The following ATP2B3 variants were observed in gnomAD, a reference collection of about 807,000 sequenced individuals.
ATP2B3 encodes the protein plasma membrane calcium-transporting ATPase 3.
Under a neutral mutation model 70.8 loss-of-function variants are expected in ATP2B3, and 12 were observed. The ratio of observed to expected loss-of-function variants is 0.17; its 90% CI spans 0.11 to 0.27. ATP2B3 has a LOEUF of 0.27. ATP2B3 is among the 10% of genes least tolerant of loss of function. ATP2B3 has a pLI of 1.00. For synonymous variants in ATP2B3, 460 were observed against 497.8 expected (o/e 0.92, Z 1.01); for missense variants, 858 against 1,118.5 (o/e 0.77, Z 3.32).
At chrX:153,545,098 G>A (rs1237551419) in intron 7 of ATP2B3, among the ~76,000 whole-genome samples, 1 of 112,920 alleles carries the variant, frequency 8.9e-6, no homozygotes, top group Non-Finnish European at 1.9e-5. Context: ...GGGTCGGGGG[G>A]GGGGCCCTCC....
chrX:153,529,665 C>T (rs1467582368), intron 2 of ATP2B3, among the ~76,000 whole-genome samples: 1 of 112,339 alleles, frequency 8.9e-6, no homozygotes, highest in Non-Finnish European at 1.9e-5. Flanking sequence ...CATCCAGCCG[C>T]AGAACTTGTT....
At chrX:153,531,441 C>G (rs945342821) in intron 2 of ATP2B3, among the ~76,000 whole-genome samples, 2 of 113,273 alleles carry the variant, frequency 1.8e-5, no homozygotes, top group Non-Finnish European at 1.9e-5. Flanking sequence ...AAGGAATCCC[C>G]GTAGTGAGTC....
At chrX:153,525,702 G>A (rs897284601) in intron 2 of ATP2B3, among the ~76,000 whole-genome samples, 4 of 112,374 alleles carry the variant, frequency 3.6e-5, no homozygotes, top group African/African-American at 9.7e-5. Flanking sequence ...ATGGTCCCAC[G>A]TCTGGTGCAG....
chrX:153,534,026 C>T (rs1166853616), intron 2 of ATP2B3, among the ~76,000 whole-genome samples: 1 of 112,144 alleles, frequency 8.9e-6, no homozygotes, highest in Non-Finnish European at 1.9e-5. Flanking sequence ...CAAGAGCCTA[C>T]CACACAAGCC....
intron 17 of ATP2B3, chrX:153,559,494 C>T: frequency 4.9e-6 from 2 of 406,987 alleles, no homozygotes; most frequent in East Asian, 3.9e-5. Flanking sequence ...TCACCTCCTG[C>T]GAGGGATTTG....
At position 153,560,664 on chromosome X, in the gene ATP2B3, G is replaced by C; in HGVS notation, c.2840-12G>C. 1 of 1,211,256 alleles carries C rather than the reference G, an allele frequency of 8.3e-7. No individual in the cohort carries two copies. Among genetic ancestry groups the C allele is most frequent in the South Asian group, 1.8e-5 (1 of 56,955 alleles). The stretch of plus-strand genomic sequence containing the variant: ...AGATGACTGTGCCTGAGTGGGGAAT[G>C]TTGCTTTCCAGGGGAGCTCTTCTTC... On this transcript the variant is annotated splice_polypyrimidine_tract_variant and intron_variant, in intron 18 of 21. Transcript: ENST00000263519.
chrX:153,528,140 A>C (rs2090062505), intron 2 of ATP2B3, among the ~76,000 whole-genome samples: 1 of 112,331 alleles, frequency 8.9e-6, no homozygotes, highest in Non-Finnish European at 1.9e-5. Flanking sequence ...ACTTTGCTGA[A>C]CTCTTTTCAT....
intron 21 of ATP2B3, among the ~76,000 whole-genome samples, chrX:153,578,654 G>A (rs2090885932): frequency 8.9e-6 from 1 of 112,745 alleles, no homozygotes; most frequent in African/African-American, 3.2e-5. Context: ...GAGGGCCACT[G>A]TGCCGGGGGA....
At chrX:153,542,235 A>G (rs1056215811) in intron 5 of ATP2B3, 88 bp from the exon 6 acceptor site, 33 of 1,155,943 alleles carry the variant, frequency 2.9e-5, no homozygotes, top group Non-Finnish European at 3.8e-5. Flanking sequence ...TCCCTTTCCC[A>G]GGCGGCCCAT....
chrX:153,558,204 C>T lies in ATP2B3; in HGVS notation c.2526C>T (p.Gly842=), dbSNP rs782625781. The change falls in exon 17 of 22, where the codon GGC becomes GGT. Residue 842 remains glycine (G), a synonymous_variant. Coordinates refer to ENST00000263519, the MANE Select transcript of ATP2B3 (RefSeq NM_001001344.3). ...FTSIVKAVMW[G]RNVYDSISKF... is the part of the protein sequence containing the mutation. Reference sequence around the variant, plus strand: ...GCATCGTCAAGGCAGTCATGTGGGGCCGTAACGTCTATGACAGCATCTCCA... The same window carrying T: ...GCATCGTCAAGGCAGTCATGTGGGGTCGTAACGTCTATGACAGCATCTCCA... The T allele has an allele frequency of 1.2e-5, 14 of 1,209,800 alleles. No individual in the cohort carries two copies. The highest frequency in any genetic ancestry group is 8.7e-5 in the Admixed American group (4 of 45,786).
At position 153,579,995 on chromosome X, in the gene ATP2B3, G is replaced by A. The variant is rs138492920; in HGVS notation, c.3360G>A (p.Ala1120=). 1.1e-4 allele frequency: 134 copies of A among 1,204,018 alleles called. No individual in the cohort carries two copies. The South Asian group carries it at 1.4e-3, about 13-fold the overall frequency. The change falls in exon 22 of 22, where the codon GCG becomes GCA. Residue 1120 remains alanine (A), a synonymous_variant. Transcript: ENST00000263519. ...RIQTQIRVVK[A]FRSSLYEGLE... is the part of the protein sequence containing the mutation. ...CACTCCAGATCCGGGTGGTGAAAGC[G>A]TTCCGTAGCTCGCTCTATGAAGGCC...
At chrX:153,527,893 G>A (rs1054499554) in intron 2 of ATP2B3, among the ~76,000 whole-genome samples, 4 of 112,728 alleles carry the variant, frequency 3.5e-5, no homozygotes, top group Non-Finnish European at 5.6e-5. Flanking sequence ...TGCCCTGCTC[G>A]GCTTCCTGGA....
chrX:153,529,373 G>A (rs782417057), intron 2 of ATP2B3, among the ~76,000 whole-genome samples: 6 of 111,504 alleles, frequency 5.4e-5, no homozygotes, highest in Non-Finnish European at 1.1e-4. Context: ...TCCAGTAGGG[G>A]GGTTTCCTGG....
chrX:153,570,178 C>G (rs1215030890), intron 21 of ATP2B3, among the ~76,000 whole-genome samples: 1 of 112,480 alleles, frequency 8.9e-6, no homozygotes, highest in South Asian at 3.7e-4. Flanking sequence ...GCCGCCTTCC[C>G]GGGGCTGGAG....
At position 153,580,380 on chromosome X, in the gene ATP2B3, A is replaced by C; in HGVS notation, c.*82A>C. 1 of 948,723 alleles carries C rather than the reference A, an allele frequency of 1.1e-6. No homozygotes were observed. The highest frequency in any genetic ancestry group is 1.4e-6 in the Non-Finnish European group (1 of 690,572). The allele number at this position is 948,723 out of a possible 1,213,427, so 78.2% of individuals were successfully genotyped here. A position where few individuals can be genotyped will look rare whatever the true frequency, so the allele number is the denominator to read the frequency against. On this transcript the variant is annotated 3_prime_UTR_variant, in exon 22 of 22. Coordinates refer to ENST00000263519, the MANE Select transcript of ATP2B3 (RefSeq NM_001001344.3). ...CGCACACATGCACGCACACACACAT[A>C]TGGGGACCTGCACACCTGCAAAACG...
In ATP2B3 at chrX:153,558,162, C is replaced by G. The variant is rs1205575325; in HGVS notation, c.2484C>G (p.Thr828=). 2 of 1,211,480 alleles carry G rather than the reference C, an allele frequency of 1.7e-6. No individual in the cohort carries two copies. Among genetic ancestry groups the G allele is most frequent in the Non-Finnish European group, 2.2e-6 (2 of 895,380 alleles). The change falls in exon 17 of 22, where the codon ACC becomes ACG. Residue 828 remains threonine (T), a synonymous_variant. Transcript: ENST00000263519. ...VAKEASDIIL[T]DDNFTSIVKA... ...AGGAGGCCTCCGACATCATCCTGAC[C>G]GATGACAACTTCACCAGCATCGTCA...
intron 21 of ATP2B3, among the ~76,000 whole-genome samples, chrX:153,568,357 A>C (rs986474691): frequency 2.7e-5 from 3 of 110,981 alleles, no homozygotes; most frequent in Non-Finnish European, 3.8e-5. Flanking sequence ...ATTGTCACTG[A>C]TGTGGCTCTC....
intron 21 of ATP2B3, among the ~76,000 whole-genome samples, chrX:153,576,148 C>T (rs1404803377): frequency 9.0e-6 from 1 of 111,648 alleles, no homozygotes; most frequent in Non-Finnish European, 1.9e-5. Context: ...CCATCGCCTA[C>T]TGGAAGGTTT....
At chrX:153,568,351 T>G (rs2090740365) in intron 21 of ATP2B3, among the ~76,000 whole-genome samples, 2 of 111,352 alleles carry the variant, frequency 1.8e-5, no homozygotes, top group African/African-American at 6.5e-5. Context: ...TGTGGTATTG[T>G]CACTGATGTG....
Sources: allele counts gnomAD v4.1 joint callset (sites outside exome capture counted in the v4.1 genomes callset), GRCh38; gene constraint gnomAD v4.1.1; transcripts MANE v1.5; gene names NCBI Gene and HGNC (gene_info 2026-07-23, HGNC 2026-07-21).